Variants in CDH13 observed in about 807,000 individuals in gnomAD.
The protein encoded by CDH13 is cadherin-13.
CDH13 carries 24 observed loss-of-function variants against 63.8 expected under a neutral mutation model. The observed-to-expected ratio is 0.38, with a 90% CI of 0.27 to 0.53. The LOEUF (loss-of-function observed/expected upper bound fraction) is 0.53, where lower values mean the gene tolerates loss of function less well. CDH13 is among the 20% of genes least tolerant of loss of function. The pLI is 0.85. For synonymous variants in CDH13, 503 were observed against 355.3 expected (o/e 1.42, Z -4.67); for missense variants, 1,049 against 903.1 (o/e 1.16, Z -2.07).
At chr16:83,570,488 G>C (rs1280463230) in intron 7 of CDH13, among the ~76,000 whole-genome samples, 1 of 151,924 alleles carries the variant, frequency 6.6e-6, no homozygotes. Flanking sequence ...GCAAAGCCAA[G>C]GAAAAACGTA....
At chr16:83,076,119 A>AT (rs2032817425) in intron 3 of CDH13, among the ~76,000 whole-genome samples, 1 of 152,212 alleles carries the variant, frequency 6.6e-6, no homozygotes, top group Non-Finnish European at 1.5e-5. Context: ...AAAAAAAAGT[A>AT]AATGAGCTAT....
intron 8 of CDH13, among the ~76,000 whole-genome samples, chr16:83,631,137 C>T (rs1348567158): frequency 6.6e-6 from 1 of 152,160 alleles, no homozygotes; most frequent in African/African-American, 2.4e-5. Flanking sequence ...CATTTTGCAG[C>T]CAGCAGATGC....
At chr16:83,067,355 G>A (rs1316826027) in intron 3 of CDH13, among the ~76,000 whole-genome samples, 1 of 152,138 alleles carries the variant, frequency 6.6e-6, no homozygotes, top group Admixed American at 6.6e-5. Context: ...ACTATAGTAA[G>A]TCACTATATC....
chr16:83,168,008 C>T lies in CDH13; in HGVS notation c.483+42507C>T, dbSNP rs150089081. ...GTGGGACCTAAACAGTGAATACTCA[C>T]GGACATAAAGATGGCAACAATAGAC... On this transcript the variant is annotated intron_variant, in intron 4 of 13. Transcript: ENST00000567109. Among the ~76,000 whole-genome samples, 29 of 152,006 alleles carry T rather than the reference C, an allele frequency of 1.9e-4. No individual in the cohort carries two copies. In the East Asian group the frequency reaches 4.6e-3, roughly 24 times the overall value.
chr16:82,890,762 C>A (rs1221030261), intron 2 of CDH13, among the ~76,000 whole-genome samples: 1 of 151,770 alleles, frequency 6.6e-6, no homozygotes, highest in Non-Finnish European at 1.5e-5. Context: ...AGCAATTATC[C>A]TGCCTCAGCC....
At chr16:82,905,183 G>A (rs2041600727) in intron 2 of CDH13, among the ~76,000 whole-genome samples, 1 of 152,142 alleles carries the variant, frequency 6.6e-6, no homozygotes, top group African/African-American at 2.4e-5. Context: ...TGTTTAGACG[G>A]GAGAAAGAGC....
At chr16:83,128,702 T>G (rs2035916576) in intron 4 of CDH13, among the ~76,000 whole-genome samples, 2 of 152,218 alleles carry the variant, frequency 1.3e-5, no homozygotes, top group African/African-American at 4.8e-5. Flanking sequence ...ACAAGCCTCT[T>G]TTCTTGAGCT....
At chr16:83,431,941 G>A (rs2072125157) in intron 6 of CDH13, among the ~76,000 whole-genome samples, 1 of 152,180 alleles carries the variant, frequency 6.6e-6, no homozygotes, top group Non-Finnish European at 1.5e-5. Context: ...ACGGCCATTG[G>A]CAGATTTTGA....
At chr16:82,763,964 TGCCTG>T (rs1416371896) in intron 1 of CDH13, among the ~76,000 whole-genome samples, 5 of 152,220 alleles carry the variant, frequency 3.3e-5, no homozygotes, top group African/African-American at 7.2e-5. Flanking sequence ...TGAGCCACTG[TGCCTG>T]GCCATCCCTG....
At chr16:83,333,777 A>G (rs992046114) in intron 5 of CDH13, among the ~76,000 whole-genome samples, 3 of 152,202 alleles carry the variant, frequency 2.0e-5, no homozygotes, top group African/African-American at 7.2e-5. Flanking sequence ...CATTTTGCCC[A>G]GGACAGCTTT....
intron 10 of CDH13, among the ~76,000 whole-genome samples, chr16:83,681,691 G>A (rs997948370): frequency 6.6e-6 from 1 of 152,132 alleles, no homozygotes; most frequent in East Asian, 1.9e-4. Context: ...GAGCTCTTTG[G>A]GAAAAAGAGG....
intron 1 of CDH13, among the ~76,000 whole-genome samples, chr16:82,716,023 C>T (rs62036348): frequency 6.6e-6 from 1 of 152,172 alleles, no homozygotes; most frequent in Non-Finnish European, 1.5e-5. Context: ...TGCTGGCGCT[C>T]AGTTCTTTGG....
At chr16:82,728,737 A>G (rs2033237252) in intron 1 of CDH13, among the ~76,000 whole-genome samples, 1 of 152,170 alleles carries the variant, frequency 6.6e-6, no homozygotes, top group Admixed American at 6.6e-5. Flanking sequence ...AGTTGTCTGC[A>G]TCAACTGACT....
rs35038319 is a variant in CDH13 at position 82,761,017 on chromosome 16, CTTTTTTTTTT to C, written c.46-97325_46-97316del. On this transcript the variant is annotated intron_variant, in intron 1 of 13. Transcript: ENST00000567109. ...CTCTGGGGTTCACATTTCTTTCTTT[CTTTTTTTTTT>C]TTTTTTTTTTTTTTTTTTTGGAGTC... is the stretch of plus-strand genomic sequence containing the variant. Among the ~76,000 whole-genome samples the C allele has an allele frequency of 1.9e-3, 78 of 40,490 alleles. 2 individuals carry two copies. The highest frequency in any genetic ancestry group is 4.1e-3 in the African/African-American group (46 of 11,232). 26.6% of individuals were successfully genotyped at this position (40,490 alleles called of 152,430 possible). A position where few individuals can be genotyped will look rare whatever the true frequency, so the allele number is the denominator to read the frequency against.
intron 3 of CDH13, among the ~76,000 whole-genome samples, chr16:83,073,519 G>C (rs902424178): frequency 6.6e-6 from 1 of 152,056 alleles, no homozygotes; most frequent in Non-Finnish European, 1.5e-5. Context: ...ACATGGCGAT[G>C]AGAATTCCCC....
At chr16:82,962,792 G>T (rs1907220661) in intron 2 of CDH13, among the ~76,000 whole-genome samples, 1 of 152,106 alleles carries the variant, frequency 6.6e-6, no homozygotes, top group South Asian at 2.1e-4. Flanking sequence ...ACAGTAATGA[G>T]CTTGATTCGC....
At chr16:82,643,957 C>G (rs1284396263) in intron 1 of CDH13, among the ~76,000 whole-genome samples, 1 of 152,182 alleles carries the variant, frequency 6.6e-6, no homozygotes, top group East Asian at 1.9e-4. Flanking sequence ...GTTATGTTGC[C>G]CATGCTGGTC....
chr16:82,854,712 T>C (rs964360722), intron 1 of CDH13, among the ~76,000 whole-genome samples: 1 of 152,226 alleles, frequency 6.6e-6, no homozygotes, highest in African/African-American at 2.4e-5. Context: ...TTTGCTTTCC[T>C]TGATGCTCTA....
At chr16:82,660,693 A>T (rs1190700777) in intron 1 of CDH13, among the ~76,000 whole-genome samples, 1 of 152,182 alleles carries the variant, frequency 6.6e-6, no homozygotes, top group South Asian at 2.1e-4. Flanking sequence ...GACATAAATT[A>T]TGTATATACA....
Sources: allele counts gnomAD v4.1 joint callset (sites outside exome capture counted in the v4.1 genomes callset), GRCh38; gene constraint gnomAD v4.1.1; transcripts MANE v1.5; gene names NCBI Gene and HGNC (gene_info 2026-07-23, HGNC 2026-07-21).